HAVCR2: variants seen among roughly 807,000 people sequenced by gnomAD.
HAVCR2 encodes the protein hepatitis A virus cellular receptor 2.
A neutral mutation model predicts 24.7 loss-of-function variants in HAVCR2; 13 were observed. That is an observed-to-expected ratio of 0.53 (90% CI 0.34 to 0.84). HAVCR2 has a LOEUF of 0.84. Among genes scored for constraint, HAVCR2 ranks in the 40% least tolerant of loss-of-function variants. The probability of loss-of-function intolerance (pLI) is 0.01; values close to 1 mark genes in which losing one functional copy is unlikely to be tolerated. For synonymous variants in HAVCR2, 154 were observed against 143.4 expected (o/e 1.07, Z -0.53); for missense variants, 343 against 371.2 (o/e 0.92, Z 0.62).
chr5:157,099,742 C>T (rs1757143777), intron 3 of HAVCR2, among the ~76,000 whole-genome samples: 1 of 152,080 alleles, frequency 6.6e-6, no homozygotes, highest in Admixed American at 6.6e-5. Flanking sequence ...ATCACCCAGG[C>T]TGGAGTGCAG....
intron 3 of HAVCR2, among the ~76,000 whole-genome samples, chr5:157,103,089 C>T (rs1019448217): frequency 6.6e-6 from 1 of 152,016 alleles, no homozygotes; most frequent in African/African-American, 2.4e-5. Flanking sequence ...ACTGGCCGGG[C>T]GCGGTGGCTC....
chr5:157,102,442 T>C (rs181190620), intron 3 of HAVCR2, among the ~76,000 whole-genome samples: 1 of 152,304 alleles, frequency 6.6e-6, no homozygotes, highest in African/African-American at 2.4e-5. Flanking sequence ...ATTTACATAA[T>C]GTTACATATT....
At chr5:157,104,773 A>T in intron 2 of HAVCR2, 24 bp from the exon 3 acceptor site, 1 of 1,503,010 alleles carries the variant, frequency 6.7e-7, no homozygotes, top group South Asian at 1.2e-5. Context: ...CAACATAAGG[A>T]TGAAAATTAT....
At chr5:157,087,857 TG>T (rs1756937318) in intron 6 of HAVCR2, among the ~76,000 whole-genome samples, 2 of 150,014 alleles carry the variant, frequency 1.3e-5, no homozygotes, top group Admixed American at 6.7e-5. Flanking sequence ...GAGCCGAGGT[TG>T]TGCCACTGCA....
intron 4 of HAVCR2, among the ~76,000 whole-genome samples, chr5:157,097,851 T>C (rs981686629): frequency 6.6e-6 from 1 of 152,036 alleles, no homozygotes; most frequent in African/African-American, 2.4e-5. Flanking sequence ...CCACCCTACT[T>C]AGCCTCCCAA....
intron 5 of HAVCR2, among the ~76,000 whole-genome samples, chr5:157,089,663 G>A (rs1250145530): frequency 6.6e-6 from 1 of 152,154 alleles, no homozygotes; most frequent in Non-Finnish European, 1.5e-5. Flanking sequence ...GGTCAGGGAA[G>A]GACCCTCAGA....
chr5:157,100,503 C>T (rs1213694633), intron 3 of HAVCR2, among the ~76,000 whole-genome samples: 1 of 152,182 alleles, frequency 6.6e-6, no homozygotes. Context: ...GAGCAGGAAA[C>T]AAGAGGGGCA....
chr5:157,097,349 G>T (rs937458567), intron 4 of HAVCR2, among the ~76,000 whole-genome samples: 4 of 151,286 alleles, frequency 2.6e-5, no homozygotes, highest in Non-Finnish European at 5.9e-5. Context: ...CAACCTACTG[G>T]GCTCAAGTGA....
At chr5:157,101,219 G>T (rs1757162006) in intron 3 of HAVCR2, among the ~76,000 whole-genome samples, 1 of 152,120 alleles carries the variant, frequency 6.6e-6, no homozygotes, top group African/African-American at 2.4e-5. Context: ...TGATAAAAAT[G>T]GTAAAACTAA....
At chr5:157,087,764 C>T (rs767035660) in intron 6 of HAVCR2, among the ~76,000 whole-genome samples, 38 of 151,774 alleles carry the variant, frequency 2.5e-4, no homozygotes, top group Non-Finnish European at 1.5e-4. Context: ...AATTAGCCAG[C>T]GTGGTGGCAT....
chr5:157,089,337 G>A (rs1210289732), intron 5 of HAVCR2, among the ~76,000 whole-genome samples: 1 of 152,060 alleles, frequency 6.6e-6, no homozygotes, highest in Admixed American at 6.5e-5. Flanking sequence ...CCAGACCCAA[G>A]ACCAGCCTGA....
chr5:157,091,510 T>C (rs1757000300), intron 5 of HAVCR2, among the ~76,000 whole-genome samples: 1 of 151,430 alleles, frequency 6.6e-6, no homozygotes, highest in African/African-American at 2.4e-5. Flanking sequence ...AGGTCAGTGG[T>C]GAGCTTGACC....
In HAVCR2 at chr5:157,097,892, G is replaced by A. The variant is rs141473019; in HGVS notation, c.522+966C>T. Among the ~76,000 whole-genome samples, 85 of 152,028 alleles carry A rather than the reference G, an allele frequency of 5.6e-4. 1 individual carries two copies. The East Asian group carries it at 0.014, about 26-fold the overall frequency. On this transcript the variant is annotated intron_variant, in intron 4 of 6. Transcript: ENST00000307851. Reference sequence around the variant, plus strand: ...TGGGATTACAGACGTGAGTCACTGCGCCCAGCCAGTTTTTCTTTTATTCTG... The same window carrying A: ...TGGGATTACAGACGTGAGTCACTGCACCCAGCCAGTTTTTCTTTTATTCTG...
intron 4 of HAVCR2, among the ~76,000 whole-genome samples, chr5:157,097,294 A>T (rs1343618818): frequency 7.2e-6 from 1 of 138,314 alleles, no homozygotes; most frequent in African/African-American, 2.7e-5. Context: ...TTGCCCTGTC[A>T]CCTAGGATGG....
intron 4 of HAVCR2, among the ~76,000 whole-genome samples, chr5:157,098,241 T>C (rs1232786864): frequency 1.3e-5 from 2 of 152,046 alleles, no homozygotes; most frequent in Admixed American, 1.3e-4. Context: ...ACTCCGTCTC[T>C]ACTAAAAATA....
chr5:157,107,202 G>T, intron 1 of HAVCR2: 1 of 495,458 alleles, frequency 2.0e-6, no homozygotes, highest in Non-Finnish European at 3.6e-6. Context: ...GTTGGCCTGT[G>T]GTAGAGCCTG....
chr5:157,098,936 A>G, intron 3 of HAVCR2, 35 bp from the exon 4 acceptor site: 1 of 1,584,406 alleles, frequency 6.3e-7, no homozygotes, highest in Non-Finnish European at 8.6e-7. Context: ...AGAGAGGAAA[A>G]ATAGCCAATA....
intron 5 of HAVCR2, 151 bp from the exon 6 acceptor site, chr5:157,089,128 A>G: frequency 1.6e-6 from 1 of 641,958 alleles, no homozygotes; most frequent in South Asian, 2.0e-5. Flanking sequence ...TGTGCCTTAG[A>G]TAGTTATATG....
intron 6 of HAVCR2, among the ~76,000 whole-genome samples, chr5:157,087,801 G>A (rs1011756340): frequency 1.1e-4 from 17 of 151,722 alleles, no homozygotes; most frequent in Non-Finnish European, 2.4e-4. Flanking sequence ...CTACTTGGGA[G>A]GCTAATGCAG....
Sources: gnomAD v4.1 joint callset for allele counts (sites outside exome capture counted in the v4.1 genomes callset) on GRCh38, gnomAD v4.1.1 for gene constraint, MANE v1.5 for transcripts, NCBI Gene and HGNC (gene_info 2026-07-23, HGNC 2026-07-21) for gene names.